Variants in SSPN observed in about 807,000 individuals in gnomAD.
SSPN encodes the protein sarcospan.
SSPN carries 15 observed loss-of-function variants against 19.1 expected under a neutral mutation model. The ratio of observed to expected loss-of-function variants is 0.78; its 90% confidence interval spans 0.52 to 1.21. The LOEUF is 1.21. Among genes scored for constraint, SSPN ranks in the 50% most tolerant of loss-of-function variants. SSPN has a pLI of 0.00. For synonymous variants in SSPN, 147 were observed against 140.3 expected (o/e 1.05, Z -0.34); for missense variants, 291 against 314.0 (o/e 0.93, Z 0.55).
chr12:26,145,692 G>A (rs533052486), intron 1 of SSPN, among the ~76,000 whole-genome samples: 1 of 152,314 alleles, frequency 6.6e-6, no homozygotes, highest in South Asian at 2.1e-4. Context: ...TTCCGCTTAT[G>A]AGGCAAGAAT....
intron 1 of SSPN, among the ~76,000 whole-genome samples, chr12:26,205,652 C>A (rs759418801): frequency 6.6e-6 from 1 of 152,174 alleles, no homozygotes; most frequent in East Asian, 1.9e-4. Context: ...GAGAAACTTG[C>A]AGGAGGACTG....
rs369712013 is a variant in SSPN, at chr12:26,224,285, C to G, written c.280-8C>G. 5.0e-6 allele frequency: 8 copies of G among 1,609,366 alleles called. No individual in the cohort carries two copies. Among genetic ancestry groups the G allele is most frequent in the Non-Finnish European group, 6.8e-6 (8 of 1,175,848 alleles). ...ATAACATCCTTTCTTCTGTGTTCTC[C>G]CTTGCAGGTCTGCTTAGTGGCCTAT... On this transcript the variant is annotated splice_region_variant and splice_polypyrimidine_tract_variant and intron_variant, in intron 1 of 2. Coordinates refer to ENST00000242729, the MANE Select transcript of SSPN (RefSeq NM_005086.5).
intron 1 of SSPN, among the ~76,000 whole-genome samples, chr12:26,220,442 A>G (rs1209754192): frequency 6.6e-6 from 1 of 152,232 alleles, no homozygotes; most frequent in Admixed American, 6.5e-5. Flanking sequence ...TGATTTTTAG[A>G]TATGACATGA....
At chr12:26,193,306 AC>A (rs940190617), upstream of SSPN, among the ~76,000 whole-genome samples, 5 of 152,124 alleles carry the variant, frequency 3.3e-5, no homozygotes, top group African/African-American at 1.2e-4. Context: ...GGTTCCACTT[AC>A]CCCCATTCAT....
chr12:26,149,928 C>A (rs892998572), intron 1 of SSPN, among the ~76,000 whole-genome samples: 4 of 152,056 alleles, frequency 2.6e-5, no homozygotes, highest in African/African-American at 9.7e-5. Flanking sequence ...AGGAGAGGTT[C>A]TAGAATTTAA....
intron 1 of SSPN, among the ~76,000 whole-genome samples, chr12:26,185,436 A>AG (rs1944747141): frequency 6.6e-6 from 1 of 152,186 alleles, no homozygotes; most frequent in Admixed American, 6.5e-5. Context: ...CTGTCTTCTC[A>AG]GGGGCCAAAA....
intron 1 of SSPN, among the ~76,000 whole-genome samples, chr12:26,156,171 G>A (rs552584024): frequency 6.6e-6 from 1 of 152,320 alleles, no homozygotes; most frequent in African/African-American, 2.4e-5. Flanking sequence ...ATCTCCTTTA[G>A]TTCACACCAG....
At chr12:26,134,895 C>T (rs1411361401) in intron 1 of SSPN, 2 of 152,270 alleles carry the variant, frequency 1.3e-5, no homozygotes, top group Admixed American at 6.5e-5. Context: ...AGTAGTCTGG[C>T]AGGGTCTTTA....
chr12:26,131,969 C>T (rs531891319), intron 1 of SSPN, among the ~76,000 whole-genome samples: 1 of 152,168 alleles, frequency 6.6e-6, no homozygotes, highest in South Asian at 2.1e-4. Context: ...CTCCCCTCAG[C>T]CCCTGAGAGG....
intron 1 of SSPN, chr12:26,122,550 AG>A: frequency 1.7e-6 from 2 of 1,195,598 alleles, no homozygotes. Context: ...CGAGCTGAGC[AG>A]GGCGGCGTCG....
At chr12:26,176,250 G>A (rs1407322318) in intron 1 of SSPN, among the ~76,000 whole-genome samples, 1 of 152,150 alleles carries the variant, frequency 6.6e-6, no homozygotes, top group Non-Finnish European at 1.5e-5. Context: ...TTATTCTAAT[G>A]AAATAATTTA....
chr12:26,169,918 A>G (rs1404615180), intron 1 of SSPN, among the ~76,000 whole-genome samples: 1 of 152,182 alleles, frequency 6.6e-6, no homozygotes, highest in Non-Finnish European at 1.5e-5. Context: ...AAAATGCTCT[A>G]GCCTTTGAGC....
chr12:26,151,195 G>GA (rs11361611), intron 1 of SSPN, among the ~76,000 whole-genome samples: 16 of 151,580 alleles, frequency 1.1e-4, no homozygotes, highest in African/African-American at 3.4e-4. Flanking sequence ...GGTTTTCTTG[G>GA]AAAAAAAAAA....
chr12:26,152,311 T>C (rs1196376062), intron 1 of SSPN, among the ~76,000 whole-genome samples: 1 of 152,186 alleles, frequency 6.6e-6, no homozygotes, highest in African/African-American at 2.4e-5. Flanking sequence ...AGATCATAGA[T>C]AACAATAAAA....
intron 1 of SSPN, among the ~76,000 whole-genome samples, chr12:26,220,997 C>A (rs956517827): frequency 4.6e-5 from 7 of 152,198 alleles, no homozygotes; most frequent in African/African-American, 1.7e-4. Context: ...TTCTTCATAG[C>A]CAGAAGGACC....
chr12:26,122,046 G>A (rs1183444176), exon 1 of SSPN: 4 of 1,548,880 alleles, frequency 2.6e-6, no homozygotes, highest in South Asian at 1.2e-5. Context: ...TTGAACCTCC[G>A]TCCTTCGGGA....
intron 1 of SSPN, chr12:26,123,769 A>T (rs768275832): frequency 6.9e-7 from 1 of 1,453,392 alleles, no homozygotes; most frequent in Non-Finnish European, 9.7e-7. Flanking sequence ...AGAAACGGGC[A>T]CTTGGTTACT....
intron 1 of SSPN, among the ~76,000 whole-genome samples, chr12:26,133,769 A>G (rs1210353054): frequency 1.3e-5 from 2 of 152,356 alleles, no homozygotes; most frequent in Non-Finnish European, 2.9e-5. Flanking sequence ...CACTTTCCAC[A>G]TCTTGCACAA....
chr12:26,176,849 C>G (rs1220033053), intron 1 of SSPN, among the ~76,000 whole-genome samples: 1 of 152,166 alleles, frequency 6.6e-6, no homozygotes, highest in African/African-American at 2.4e-5. Flanking sequence ...AGCAACCTCC[C>G]TCTTGATGTA....
Sources: allele counts gnomAD v4.1 joint callset (sites outside exome capture counted in the v4.1 genomes callset), GRCh38; gene constraint gnomAD v4.1.1; transcripts MANE v1.5; gene names NCBI Gene and HGNC (gene_info 2026-07-23, HGNC 2026-07-21).